DNAAF11: variants seen among roughly 807,000 people sequenced by gnomAD.
The protein encoded by DNAAF11 is leucine rich repeat containing 6.
DNAAF11 carries 45 observed loss-of-function variants against 60.8 expected under a neutral mutation model. The ratio of observed to expected loss-of-function variants is 0.74; its 90% confidence interval spans 0.58 to 0.95. The LOEUF is 0.95. DNAAF11 is among the 40% of genes least tolerant of loss of function. The pLI is 0.00. For synonymous variants in DNAAF11, 191 were observed against 183.5 expected, an observed-to-expected ratio of 1.04 and a Z score of -0.33; for missense variants, 546 against 546.2, an observed-to-expected ratio of 1.00 and a Z score of 0.00.
At chr8:132,671,263 C>G (rs939071520) in intron 1 of DNAAF11, among the ~76,000 whole-genome samples, 2 of 152,100 alleles carry the variant, frequency 1.3e-5, no homozygotes, top group African/African-American at 4.8e-5. Flanking sequence ...ATCAAGTATA[C>G]TTCTATATAC....
chr8:132,610,678 T>C (rs1423108782), intron 9 of DNAAF11, among the ~76,000 whole-genome samples: 1 of 152,206 alleles, frequency 6.6e-6, no homozygotes, highest in Non-Finnish European at 1.5e-5. Flanking sequence ...TACAATTTAA[T>C]TTCATGCATA....
intron 10 of DNAAF11, among the ~76,000 whole-genome samples, chr8:132,593,328 C>CATATATATATATATATAT (rs1160460984): frequency 1.5e-5 from 1 of 67,566 alleles, no homozygotes; most frequent in African/African-American, 7.2e-5. Flanking sequence ...AGAATATATA[C>CATATATATATATATATAT]ATACATATAT....
At chr8:132,627,930 AGT>A (rs1404942431) in intron 5 of DNAAF11, among the ~76,000 whole-genome samples, 1 of 152,194 alleles carries the variant, frequency 6.6e-6, no homozygotes, top group African/African-American at 2.4e-5. Flanking sequence ...ACACTACAAG[AGT>A]CCTCCAAGTG....
At chr8:132,606,689 T>A (rs529082643) in intron 10 of DNAAF11, among the ~76,000 whole-genome samples, 23 of 152,210 alleles carry the variant, frequency 1.5e-4, no homozygotes, top group Admixed American at 5.9e-4. Flanking sequence ...TTTTAATTTT[T>A]ATTTTTGTAG....
chr8:132,669,415 A>G (rs942687945), intron 1 of DNAAF11, among the ~76,000 whole-genome samples: 4 of 152,242 alleles, frequency 2.6e-5, no homozygotes, highest in African/African-American at 9.6e-5. Context: ...TTGAACAGAG[A>G]TAGGATACAA....
At chr8:132,605,651 C>T (rs149858398) in intron 10 of DNAAF11, among the ~76,000 whole-genome samples, 17 of 152,142 alleles carry the variant, frequency 1.1e-4, no homozygotes, top group African/African-American at 4.1e-4. Context: ...TTAGACTGTA[C>T]AGCAGGAACA....
intron 9 of DNAAF11, among the ~76,000 whole-genome samples, chr8:132,610,799 C>T (rs1029433734): frequency 6.6e-6 from 1 of 152,168 alleles, no homozygotes; most frequent in Non-Finnish European, 1.5e-5. Flanking sequence ...GCCATTCCCA[C>T]CTTATACCAC....
chr8:132,693,053 A>G, the DNAAF11 span, among the ~76,000 whole-genome samples: 1 of 152,210 alleles, frequency 6.6e-6, no homozygotes. Flanking sequence ...CTCCAAGTCC[A>G]TCATGCTGGT....
intron 5 of DNAAF11, among the ~76,000 whole-genome samples, chr8:132,630,733 G>A (rs1486484698): frequency 1.3e-5 from 2 of 151,818 alleles, no homozygotes; most frequent in Non-Finnish European, 1.5e-5. Flanking sequence ...TTGAATAGAG[G>A]ATACCTGAAT....
intron 3 of DNAAF11, among the ~76,000 whole-genome samples, chr8:132,646,392 T>G (rs1822391051): frequency 6.6e-6 from 1 of 152,028 alleles, no homozygotes; most frequent in African/African-American, 2.4e-5. Context: ...ATGCCAAATT[T>G]TAAAGACCAC....
At chr8:132,690,382 T>A in the DNAAF11 span, among the ~76,000 whole-genome samples, 1 of 152,164 alleles carries the variant, frequency 6.6e-6, no homozygotes, top group African/African-American at 2.4e-5. Flanking sequence ...TCCTGCTGCC[T>A]TGTGAAGAAA....
At position 132,581,958 on chromosome 8, in the gene DNAAF11, A is replaced by G. The variant is rs75105799; in HGVS notation, c.1226+1736T>C. ...CAAGAGGTCACTGATGACCTGATGA[A>G]TAAAACCCTACTCCAGTTGCTCCTC... On this transcript the variant is annotated intron_variant, in intron 11 of 11. Transcript: ENST00000620350. 4.6e-3 allele frequency among the ~76,000 whole-genome samples: 704 copies of G among 152,314 alleles called. 2 individuals carry two copies. The highest frequency in any genetic ancestry group is 0.016 in the African/African-American group (670 of 41,570).
At chr8:132,653,973 A>G (rs562521480) in intron 3 of DNAAF11, among the ~76,000 whole-genome samples, 21 of 152,236 alleles carry the variant, frequency 1.4e-4, no homozygotes, top group Admixed American at 1.3e-3. Flanking sequence ...GATTGACAGG[A>G]TAGATTAAAA....
intron 7 of DNAAF11, among the ~76,000 whole-genome samples, chr8:132,616,199 C>T (rs1819132890): frequency 6.6e-6 from 1 of 152,050 alleles, no homozygotes; most frequent in South Asian, 2.1e-4. Flanking sequence ...TGGCTATGTA[C>T]AATAAAGGTT....
the DNAAF11 span, chr8:132,687,410 G>C: frequency 3.2e-6 from 1 of 314,400 alleles, no homozygotes; most frequent in Non-Finnish European, 6.2e-6. Context: ...CATTCTAGCA[G>C]AATAATGAAG....
the DNAAF11 span, chr8:132,687,639 G>T: frequency 6.6e-6 from 3 of 456,116 alleles, no homozygotes; most frequent in African/African-American, 2.0e-5. Context: ...CCCATCGTGT[G>T]GTTGGCATTG....
chr8:132,616,883 C>A (rs1684151202), intron 7 of DNAAF11, among the ~76,000 whole-genome samples: 1 of 152,068 alleles, frequency 6.6e-6, no homozygotes, highest in Admixed American at 6.6e-5. Context: ...TAACACAGAC[C>A]CTATTCCTAT....
intron 6 of DNAAF11, 27 bp downstream of exon 6, chr8:132,625,245 T>C: frequency 6.5e-7 from 1 of 1,541,484 alleles, no homozygotes; most frequent in Non-Finnish European, 8.8e-7. Flanking sequence ...GGCTACTGCT[T>C]CCCTCTCCTA....
At chr8:132,667,608 T>C (rs1824759494) in intron 1 of DNAAF11, among the ~76,000 whole-genome samples, 1 of 152,204 alleles carries the variant, frequency 6.6e-6, no homozygotes, top group African/African-American at 2.4e-5. Context: ...ATGCAGATGG[T>C]TGAGTGCTAA....
Sources: gnomAD v4.1 joint callset for allele counts (sites outside exome capture counted in the v4.1 genomes callset) on GRCh38, gnomAD v4.1.1 for gene constraint, MANE v1.5 for transcripts, NCBI Gene and HGNC (gene_info 2026-07-23, HGNC 2026-07-21) for gene names.